The following PHYHIPL variants were observed in gnomAD, a reference collection of about 807,000 sequenced individuals.
PHYHIPL encodes phytanoyl-CoA 2-hydroxylase interacting protein like.
PHYHIPL carries 9 observed loss-of-function variants against 33.4 expected under a neutral mutation model. The ratio of observed to expected loss-of-function variants is 0.27; its 90% CI spans 0.16 to 0.47. PHYHIPL has a LOEUF of 0.47. PHYHIPL is among the 20% of genes least tolerant of loss of function. The pLI, the probability that PHYHIPL is intolerant of heterozygous loss-of-function variation, is 0.99. For synonymous variants in PHYHIPL, 153 were observed against 154.1 expected (o/e 0.99, Z 0.05); for missense variants, 365 against 460.7 (o/e 0.79, Z 1.90).
intron 1 of PHYHIPL, among the ~76,000 whole-genome samples, chr10:59,179,557 T>C (rs773885701): frequency 5.9e-5 from 9 of 152,184 alleles, no homozygotes; most frequent in Non-Finnish European, 1.2e-4. Context: ...AGTATAGTTA[T>C]GTTCTCCAAT....
At chr10:59,178,413 A>G (rs928374528) in intron 1 of PHYHIPL, among the ~76,000 whole-genome samples, 10 of 152,162 alleles carry the variant, frequency 6.6e-5, no homozygotes, top group Admixed American at 2.0e-4. Context: ...AGCTTGCATG[A>G]TTATAGACTG....
At chr10:59,217,482 A>G (rs561001970) in intron 1 of PHYHIPL, among the ~76,000 whole-genome samples, 1 of 151,952 alleles carries the variant, frequency 6.6e-6, no homozygotes, top group Non-Finnish European at 1.5e-5. Context: ...TTTCTCTATA[A>G]TATACAATTA....
At chr10:59,187,822 C>A (rs1370927530) in intron 1 of PHYHIPL, among the ~76,000 whole-genome samples, 1 of 152,152 alleles carries the variant, frequency 6.6e-6, no homozygotes, top group East Asian at 1.9e-4. Flanking sequence ...TCCCCTTTAT[C>A]ATTTTTTATT....
At chr10:59,175,707 A>G (rs1326698209), upstream of PHYHIPL, among the ~76,000 whole-genome samples, 1 of 152,256 alleles carries the variant, frequency 6.6e-6, no homozygotes, top group Non-Finnish European at 1.5e-5. Flanking sequence ...CAATGGGCAT[A>G]CAAGTTATAG....
At chr10:59,208,870 T>C (rs911853964) in intron 1 of PHYHIPL, among the ~76,000 whole-genome samples, 3 of 151,348 alleles carry the variant, frequency 2.0e-5, no homozygotes, top group African/African-American at 7.3e-5. Flanking sequence ...GAAGACAAGA[T>C]TAGAGAAAAA....
At chr10:59,203,773 G>C (rs183109759) in intron 1 of PHYHIPL, among the ~76,000 whole-genome samples, 1 of 141,598 alleles carries the variant, frequency 7.1e-6, no homozygotes, top group African/African-American at 2.6e-5. Flanking sequence ...GTCGTGGGGT[G>C]GGGGGAGGGA....
intron 3 of PHYHIPL, among the ~76,000 whole-genome samples, chr10:59,238,154 G>A (rs540086207): frequency 1.3e-5 from 2 of 152,024 alleles, no homozygotes; most frequent in South Asian, 2.1e-4. Context: ...AGAGTTTCAA[G>A]CATCTTGTGT....
At chr10:59,242,795 T>G (rs1840449034) in intron 4 of PHYHIPL, among the ~76,000 whole-genome samples, 1 of 152,168 alleles carries the variant, frequency 6.6e-6, no homozygotes, top group Non-Finnish European at 1.5e-5. Flanking sequence ...CCACAGCAGA[T>G]TCAAGAGGAC....
chr10:59,223,036 C>T (rs1248946501), intron 1 of PHYHIPL, among the ~76,000 whole-genome samples: 1 of 152,192 alleles, frequency 6.6e-6, no homozygotes, highest in Non-Finnish European at 1.5e-5. Flanking sequence ...GTCTGTCTGA[C>T]TAGTAGGTGC....
intron 1 of PHYHIPL, 185 bp downstream of exon 1, chr10:59,177,144 C>A (rs1431812937): frequency 1.6e-6 from 1 of 614,674 alleles, no homozygotes; most frequent in Non-Finnish European, 2.7e-6. Context: ...ACAAAAGGAC[C>A]CCGGGGCTCG....
chr10:59,232,539 G>A (rs1840108538), intron 1 of PHYHIPL, among the ~76,000 whole-genome samples: 1 of 151,944 alleles, frequency 6.6e-6, no homozygotes, highest in African/African-American at 2.4e-5. Context: ...TAAGGTTGAA[G>A]AAGATAACGA....
chr10:59,226,672 G>A (rs780468556), intron 1 of PHYHIPL, among the ~76,000 whole-genome samples: 5 of 152,108 alleles, frequency 3.3e-5, no homozygotes, highest in Non-Finnish European at 7.4e-5. Flanking sequence ...TTTAAAAATT[G>A]CTCTAAAATC....
chr10:59,239,506 G>T (rs747880522), intron 4 of PHYHIPL, among the ~76,000 whole-genome samples: 4 of 151,952 alleles, frequency 2.6e-5, no homozygotes, highest in Non-Finnish European at 4.4e-5. Flanking sequence ...TGAGATTTGG[G>T]TGGGGACACA....
chr10:59,237,121 G>C (rs1318718866), intron 3 of PHYHIPL, among the ~76,000 whole-genome samples: 1 of 151,100 alleles, frequency 6.6e-6, no homozygotes, highest in Admixed American at 6.6e-5. Context: ...AATGTTACTA[G>C]ATTTTTCACT....
chr10:59,232,117 C>T (rs1286806436), intron 1 of PHYHIPL, among the ~76,000 whole-genome samples: 4 of 151,894 alleles, frequency 2.6e-5, no homozygotes, highest in East Asian at 1.9e-4. Flanking sequence ...GCAAAAACAC[C>T]GCATGTTCTC....
intron 1 of PHYHIPL, among the ~76,000 whole-genome samples, chr10:59,233,654 T>A (rs1205853909): frequency 6.6e-6 from 1 of 151,852 alleles, no homozygotes; most frequent in Non-Finnish European, 1.5e-5. Context: ...TTAAAGTAAC[T>A]AGTTGTCATA....
chr10:59,194,906 C>T (rs1278618848), intron 1 of PHYHIPL, among the ~76,000 whole-genome samples: 1 of 152,022 alleles, frequency 6.6e-6, no homozygotes, highest in African/African-American at 2.4e-5. Context: ...CTGGCATTTA[C>T]CTGTGAGTGT....
chr10:59,236,350 C>T, intron 2 of PHYHIPL, 133 bp from the exon 3 acceptor site: 1 of 467,746 alleles, frequency 2.1e-6, no homozygotes, highest in Non-Finnish European at 3.7e-6. Context: ...TCCTTCCCTC[C>T]CTCCTTCCCT....
At chr10:59,230,212 C>CTTTTTT (rs71006238) in intron 1 of PHYHIPL, among the ~76,000 whole-genome samples, 37 of 123,298 alleles carry the variant, frequency 3.0e-4, no homozygotes, top group Non-Finnish European at 3.5e-4. Context: ...AAATTGCTTT[C>CTTTTTT]TTTTTTTTTT....
Sources: gnomAD v4.1 joint callset for allele counts (sites outside exome capture counted in the v4.1 genomes callset) on GRCh38, gnomAD v4.1.1 for gene constraint, MANE v1.5 for transcripts, NCBI Gene and HGNC (gene_info 2026-07-23, HGNC 2026-07-21) for gene names.